The following GNB1 variants were observed in gnomAD, a reference collection of about 807,000 sequenced individuals.
The protein encoded by GNB1 is guanine nucleotide-binding protein G(I)/G(S)/G(T) subunit beta-1.
Under a neutral mutation model 42.9 loss-of-function variants are expected in GNB1, and 2 were observed. That is an observed-to-expected ratio of 0.05 (90% CI 0.02 to 0.15). The LOEUF (loss-of-function observed/expected upper bound fraction) is 0.15, where lower values mean the gene tolerates loss of function less well. Ranked by LOEUF, GNB1 falls within the 10% of genes least tolerant of loss-of-function variation. GNB1 has a pLI of 1.00. For missense variants in GNB1, 193 were observed against 462.2 expected (o/e 0.42, Z 5.34); for synonymous variants, 183 against 174.7 (o/e 1.05, Z -0.38).
At chr1:1,792,709 A>AAG (rs1553192480) in intron 8 of GNB1, among the ~76,000 whole-genome samples, 14 of 151,732 alleles carry the variant, frequency 9.2e-5, no homozygotes, top group African/African-American at 3.1e-4. Context: ...AAAAAAAAAA[A>AAG]AAAAGAAAAA....
At chr1:1,888,250 G>C (rs1650262969) in intron 1 of GNB1, among the ~76,000 whole-genome samples, 2 of 151,892 alleles carry the variant, frequency 1.3e-5, no homozygotes, top group East Asian at 3.9e-4. Flanking sequence ...GACTCATCTT[G>C]AAAGGTTCCC....
intron 1 of GNB1, among the ~76,000 whole-genome samples, chr1:1,840,233 GAA>G (rs35854289): frequency 1.6e-4 from 19 of 120,410 alleles, no homozygotes; most frequent in Non-Finnish European, 2.1e-4. Flanking sequence ...GTCTCGAAAA[GAA>G]AAAAAAAAAA....
intron 7 of GNB1, among the ~76,000 whole-genome samples, chr1:1,794,507 G>T (rs2100562652): frequency 6.6e-6 from 1 of 152,186 alleles, no homozygotes; most frequent in South Asian, 2.1e-4. Flanking sequence ...TGATTCTTGG[G>T]ATACCTGTTT....
chr1:1,788,918 G>A lies in GNB1; in HGVS notation c.916+135C>T, dbSNP rs143291781. On this transcript the variant is annotated intron_variant, in intron 10 of 11. Coordinates refer to ENST00000378609, the MANE Select transcript of GNB1 (RefSeq NM_002074.5). Reference sequence around the variant, plus strand: ...GGTCAGAGCTGGGCCATCAGTTTGCGACTGTCACTCCTGCTACGCCATGCC... The same window carrying A: ...GGTCAGAGCTGGGCCATCAGTTTGCAACTGTCACTCCTGCTACGCCATGCC... 1.2e-3 allele frequency: 778 copies of A among 664,990 alleles called. 8 individuals are homozygous for A. In the African/African-American group the frequency reaches 0.012, roughly 10 times the overall value. The allele number at this position is 664,990 out of a possible 1,614,324, so 41.2% of individuals were successfully genotyped here.
At chr1:1,822,965 G>A (rs1253799522) in intron 3 of GNB1, among the ~76,000 whole-genome samples, 6 of 151,994 alleles carry the variant, frequency 3.9e-5, no homozygotes, top group Admixed American at 1.3e-4. Context: ...TTTCTAGGCC[G>A]GGCGTGGTGG....
At chr1:1,846,248 C>T (rs1342984560) in intron 1 of GNB1, among the ~76,000 whole-genome samples, 13 of 151,816 alleles carry the variant, frequency 8.6e-5, no homozygotes, top group Admixed American at 8.5e-4. Context: ...CTCTTCTTTA[C>T]AGAGGAATGC....
At chr1:1,867,327 G>A (rs929372675) in intron 1 of GNB1, among the ~76,000 whole-genome samples, 1 of 152,196 alleles carries the variant, frequency 6.6e-6, no homozygotes, top group African/African-American at 2.4e-5. Context: ...ACAGGCCTCA[G>A]GTTGGACAAG....
chr1:1,822,607 G>A (rs1003758995), intron 3 of GNB1, among the ~76,000 whole-genome samples: 6 of 152,046 alleles, frequency 3.9e-5, no homozygotes, highest in Admixed American at 2.0e-4. Context: ...CAGCCACCGC[G>A]CCCGACCTCT....
At chr1:1,887,374 C>T (rs1650214703) in intron 1 of GNB1, among the ~76,000 whole-genome samples, 1 of 152,152 alleles carries the variant, frequency 6.6e-6, no homozygotes, top group African/African-American at 2.4e-5. Flanking sequence ...ATCCTTTTAT[C>T]AAAGCTGTTT....
chr1:1,869,907 G>C (rs1649155469), intron 1 of GNB1, among the ~76,000 whole-genome samples: 1 of 151,918 alleles, frequency 6.6e-6, no homozygotes, highest in Non-Finnish European at 1.5e-5. Flanking sequence ...CCATCACCCA[G>C]GCTGGAGTGT....
chr1:1,861,557 AAC>A (rs1320824437), intron 1 of GNB1, among the ~76,000 whole-genome samples: 1 of 151,960 alleles, frequency 6.6e-6, no homozygotes, highest in African/African-American at 2.4e-5. Context: ...CAGCCTTGAG[AAC>A]AGACACATCT....
At chr1:1,882,122 C>G (rs1649880868) in intron 1 of GNB1, among the ~76,000 whole-genome samples, 1 of 152,186 alleles carries the variant, frequency 6.6e-6, no homozygotes, top group African/African-American at 2.4e-5. Flanking sequence ...CACATGCATT[C>G]TACTATGGCT....
intron 1 of GNB1, among the ~76,000 whole-genome samples, chr1:1,862,309 G>A (rs897974544): frequency 6.6e-6 from 1 of 151,398 alleles, no homozygotes; most frequent in Non-Finnish European, 1.5e-5. Context: ...GAGCCACTAA[G>A]TAACTCCTGG....
intron 1 of GNB1, among the ~76,000 whole-genome samples, chr1:1,842,787 T>C (rs1647297814): frequency 6.6e-6 from 1 of 152,216 alleles, no homozygotes; most frequent in Non-Finnish European, 1.5e-5. Flanking sequence ...TTATGTTATG[T>C]GAATTTCACC....
chr1:1,864,121 G>C (rs1648782319), intron 1 of GNB1, among the ~76,000 whole-genome samples: 1 of 151,720 alleles, frequency 6.6e-6, no homozygotes, highest in Non-Finnish European at 1.5e-5. Context: ...AGGAGTTCAA[G>C]ATCAGCCTGG....
chr1:1,816,451 C>T (rs1646857190), intron 4 of GNB1, among the ~76,000 whole-genome samples: 3 of 152,068 alleles, frequency 2.0e-5, no homozygotes, highest in African/African-American at 7.2e-5. Flanking sequence ...GTCCAAAGTG[C>T]TTCTCAGAAT....
intron 1 of GNB1, chr1:1,890,489 C>T (rs1650431439): frequency 6.7e-6 from 1 of 149,286 alleles, no homozygotes; most frequent in Admixed American, 6.7e-5. Flanking sequence ...GGCCCGGCCC[C>T]GCCCGACCCG....
chr1:1,834,918 T>A (rs190639859), intron 2 of GNB1, among the ~76,000 whole-genome samples: 392 of 152,118 alleles, frequency 2.6e-3, no homozygotes, highest in African/African-American at 9.0e-3. Context: ...TCCGCCCACC[T>A]CAGCCTCCCA....
intron 2 of GNB1, among the ~76,000 whole-genome samples, chr1:1,832,453 CT>C (rs1471092424): frequency 2.6e-5 from 4 of 152,170 alleles, no homozygotes; most frequent in Non-Finnish European, 5.9e-5. Context: ...CTGCCATTGG[CT>C]TTTATTCAGA....
Sources: allele counts gnomAD v4.1 joint callset (sites outside exome capture counted in the v4.1 genomes callset), GRCh38; gene constraint gnomAD v4.1.1; transcripts MANE v1.5; gene names NCBI Gene and HGNC (gene_info 2026-07-23, HGNC 2026-07-21).